Variants in CRPPA observed in about 807,000 individuals in gnomAD.
The protein encoded by CRPPA is CDP-L-ribitol pyrophosphorylase A.
In CRPPA, 43 loss-of-function variants were observed where a neutral mutation model predicts 52.0. That is an observed-to-expected ratio of 0.83 (90% confidence interval 0.65 to 1.07). The LOEUF is 1.07. CRPPA is among the 50% of genes least tolerant of loss of function. The pLI, the probability that CRPPA is intolerant of heterozygous loss-of-function variation, is 0.00. For synonymous variants in CRPPA, 250 were observed against 203.5 expected, an observed-to-expected ratio of 1.23 and a Z score of -1.94; for missense variants, 629 against 551.7, an observed-to-expected ratio of 1.14 and a Z score of -1.40.
At chr7:16,216,806 ACTGATT>A (rs1224087657) in intron 8 of CRPPA, among the ~76,000 whole-genome samples, 1 of 152,130 alleles carries the variant, frequency 6.6e-6, no homozygotes, top group Non-Finnish European at 1.5e-5. Context: ...ACGGAGTCTC[ACTGATT>A]GCTAGCACAG....
At chr7:16,210,151 C>T (rs1346927711) in intron 9 of CRPPA, among the ~76,000 whole-genome samples, 1 of 152,174 alleles carries the variant, frequency 6.6e-6, no homozygotes, top group Non-Finnish European at 1.5e-5. Flanking sequence ...TACATATATA[C>T]ATGTGTGTAT....
intron 4 of CRPPA, among the ~76,000 whole-genome samples, chr7:16,302,787 A>C (rs1370244098): frequency 6.6e-6 from 1 of 152,178 alleles, no homozygotes; most frequent in Non-Finnish European, 1.5e-5. Flanking sequence ...CAGTCTGAAA[A>C]CCAGCAAATT....
At chr7:16,118,147 C>A (rs1424463836) in intron 9 of CRPPA, among the ~76,000 whole-genome samples, 1 of 152,204 alleles carries the variant, frequency 6.6e-6, no homozygotes, top group Non-Finnish European at 1.5e-5. Context: ...ATGCCAACCA[C>A]TGTTCTATAT....
intron 9 of CRPPA, among the ~76,000 whole-genome samples, chr7:16,115,878 G>C (rs1232277063): frequency 6.6e-6 from 1 of 152,224 alleles, no homozygotes; most frequent in East Asian, 1.9e-4. Flanking sequence ...TAGATAGATA[G>C]AAAGGGAAAA....
chr7:16,408,164 G>A (rs941753315), intron 1 of CRPPA, among the ~76,000 whole-genome samples: 2 of 150,304 alleles, frequency 1.3e-5, no homozygotes, highest in Admixed American at 6.6e-5. Context: ...ACAGAAATAA[G>A]CGCTCAGAAC....
At chr7:16,311,978 T>C (rs1014700684) in intron 3 of CRPPA, among the ~76,000 whole-genome samples, 9 of 152,074 alleles carry the variant, frequency 5.9e-5, no homozygotes, top group African/African-American at 1.9e-4. Flanking sequence ...CATAGATCCA[T>C]TTATCTATTC....
chr7:16,228,107 A>G (rs557888219), intron 8 of CRPPA, among the ~76,000 whole-genome samples: 1 of 152,016 alleles, frequency 6.6e-6, no homozygotes. Flanking sequence ...GTATTTATAT[A>G]CCAGTACTAT....
chr7:16,258,625 G>A lies in CRPPA; in HGVS notation c.1027-143C>T, dbSNP rs7776516. 1.3e-5 allele frequency: 8 copies of A among 617,770 alleles called. No individual in the cohort carries two copies. The Admixed American group carries it at 1.4e-4, about 11-fold the overall frequency. The allele number at this position is 617,770 out of a possible 1,614,324, so 38.3% of individuals were successfully genotyped here. On this transcript the variant is annotated intron_variant, in intron 7 of 9. Coordinates refer to ENST00000407010, the MANE Select transcript of CRPPA (RefSeq NM_001101426.4). ...TTTTAATTTAGAAACAATTTTAAAG[G>A]ATATCCATAAAGTTATACATGTCAA...
chr7:16,130,429 C>T (rs1377672443), intron 9 of CRPPA, among the ~76,000 whole-genome samples: 1 of 151,828 alleles, frequency 6.6e-6, no homozygotes, highest in Non-Finnish European at 1.5e-5. Flanking sequence ...ACCCAGCAGA[C>T]TGTGTCTTGA....
At chr7:16,271,851 G>A (rs1784096620) in intron 6 of CRPPA, among the ~76,000 whole-genome samples, 1 of 152,040 alleles carries the variant, frequency 6.6e-6, no homozygotes, top group African/African-American at 2.4e-5. Flanking sequence ...CTTGGAAATA[G>A]GAAATCATAC....
chr7:16,157,006 G>GTTGTTTT (rs201007548), intron 9 of CRPPA, among the ~76,000 whole-genome samples: 1 of 152,086 alleles, frequency 6.6e-6, no homozygotes, highest in Non-Finnish European at 1.5e-5. Flanking sequence ...TTTTGTTATT[G>GTTGTTTT]TTGTTTTTTG....
chr7:16,326,574 C>A (rs1785395799), intron 3 of CRPPA, among the ~76,000 whole-genome samples: 1 of 152,104 alleles, frequency 6.6e-6, no homozygotes, highest in African/African-American at 2.4e-5. Context: ...AGCAATATTC[C>A]TGGAAAAAAG....
At chr7:16,383,894 C>T (rs1470533127) in intron 2 of CRPPA, among the ~76,000 whole-genome samples, 1 of 152,220 alleles carries the variant, frequency 6.6e-6, no homozygotes, top group African/African-American at 2.4e-5. Flanking sequence ...CAGGTGCCGT[C>T]TGTCACCCCT....
At chr7:16,294,049 G>A (rs911683729) in intron 5 of CRPPA, among the ~76,000 whole-genome samples, 3 of 151,716 alleles carry the variant, frequency 2.0e-5, no homozygotes, top group African/African-American at 7.3e-5. Flanking sequence ...GAAAAGCCTG[G>A]TGTTCTCTAC....
intron 8 of CRPPA, among the ~76,000 whole-genome samples, chr7:16,234,637 T>C (rs117300447): frequency 0.013 from 2,025 of 152,212 alleles, 21 homozygotes; most frequent in Middle Eastern, 0.031. Flanking sequence ...TCTGCCTCCT[T>C]CTTTTCTGCA....
intron 9 of CRPPA, among the ~76,000 whole-genome samples, chr7:16,116,408 T>C (rs1393280537): frequency 6.6e-6 from 1 of 152,104 alleles, no homozygotes; most frequent in African/African-American, 2.4e-5. Flanking sequence ...CTCACATCTG[T>C]AATCCCAGCA....
intron 3 of CRPPA, among the ~76,000 whole-genome samples, chr7:16,318,941 G>A (rs1051646946): frequency 3.9e-5 from 6 of 152,228 alleles, no homozygotes; most frequent in Admixed American, 6.5e-5. Context: ...TTACATTCTT[G>A]TGATGCTGTC....
At chr7:16,364,233 A>G (rs1786530756) in intron 3 of CRPPA, among the ~76,000 whole-genome samples, 1 of 152,228 alleles carries the variant, frequency 6.6e-6, no homozygotes, top group Non-Finnish European at 1.5e-5. Flanking sequence ...CCAAAAGGTC[A>G]TAATAATAGT....
chr7:16,301,370 TG>T, intron 5 of CRPPA, 50 bp downstream of exon 5: 1 of 1,474,280 alleles, frequency 6.8e-7, no homozygotes, highest in Non-Finnish European at 9.5e-7. Flanking sequence ...AATTCCGAAC[TG>T]GCTTACATTT....
Sources: allele counts gnomAD v4.1 joint callset (sites outside exome capture counted in the v4.1 genomes callset), GRCh38; gene constraint gnomAD v4.1.1; transcripts MANE v1.5; gene names NCBI Gene and HGNC (gene_info 2026-07-23, HGNC 2026-07-21).